COL14A1: variants seen among roughly 807,000 people sequenced by gnomAD.
The protein encoded by COL14A1 is collagen alpha-1(XIV) chain.
Under a neutral mutation model 230.3 loss-of-function variants are expected in COL14A1, and 136 were observed. The observed-to-expected ratio is 0.59, with a 90% confidence interval of 0.51 to 0.68. The LOEUF is 0.68. COL14A1 is among the 30% of genes least tolerant of loss of function. The pLI, the probability that COL14A1 is intolerant of heterozygous loss-of-function variation, is 0.00. For synonymous variants in COL14A1, 792 were observed against 784.1 expected, an observed-to-expected ratio of 1.01 and a Z score of -0.17; for missense variants, 1,976 against 2,215.8, an observed-to-expected ratio of 0.89 and a Z score of 2.17.
chr8:120,354,965 A>G (rs1297253559), intron 45 of COL14A1, among the ~76,000 whole-genome samples: 1 of 147,190 alleles, frequency 6.8e-6, no homozygotes, highest in East Asian at 1.9e-4. Context: ...TCCCCATTAA[A>G]CCCTGTACTG....
intron 1 of COL14A1, among the ~76,000 whole-genome samples, chr8:120,133,071 C>T (rs1471998562): frequency 6.6e-6 from 1 of 151,984 alleles, no homozygotes; most frequent in Non-Finnish European, 1.5e-5. Context: ...CAAAAATTAG[C>T]CAGGCATGGT....
chr8:120,297,407 T>C, intron 34 of COL14A1, 104 bp from the exon 35 acceptor site: 1 of 511,588 alleles, frequency 2.0e-6, no homozygotes, highest in African/African-American at 2.0e-5. Flanking sequence ...CTGTAATGTA[T>C]TATTAATGTA....
At chr8:120,152,469 C>CAAAAAAA (rs397891260) in intron 2 of COL14A1, among the ~76,000 whole-genome samples, 18 of 59,600 alleles carry the variant, frequency 3.0e-4, no homozygotes, top group South Asian at 1.0e-3. Flanking sequence ...GATTCCATCT[C>CAAAAAAA]AAAAAAAAAA....
At chr8:120,295,465 C>T (rs753820548) in intron 34 of COL14A1, among the ~76,000 whole-genome samples, 2 of 151,766 alleles carry the variant, frequency 1.3e-5, no homozygotes, top group Non-Finnish European at 3.0e-5. Flanking sequence ...AAGATATATG[C>T]AAAGTGCTTA....
chr8:120,184,811 T>TAA (rs1816596041), intron 5 of COL14A1, among the ~76,000 whole-genome samples: 1 of 152,178 alleles, frequency 6.6e-6, no homozygotes, highest in Non-Finnish European at 1.5e-5. Context: ...GGCAGGCTTC[T>TAA]CTCTTACTCA....
In COL14A1 at chr8:120,227,201, G is replaced by A. The variant is rs1383353472; in HGVS notation, c.2005-19G>A. ...TTTTTCAAATAAGCATAGTTACTAAGCACCAAAATATATTTCAGGTTGTCC... is the reference window on the plus strand; with the variant it reads ...TTTTTCAAATAAGCATAGTTACTAAACACCAAAATATATTTCAGGTTGTCC... On this transcript the variant is annotated intron_variant, in intron 16 of 47. Transcript: ENST00000297848. 6.2e-7 allele frequency: 1 copy of A among 1,611,534 alleles called. No homozygotes were observed. Among genetic ancestry groups the A allele is most frequent in the African/African-American group, 1.3e-5 (1 of 74,704 alleles).
At chr8:120,329,738 G>A (rs1821804748) in intron 40 of COL14A1, among the ~76,000 whole-genome samples, 1 of 152,166 alleles carries the variant, frequency 6.6e-6, no homozygotes, top group African/African-American at 2.4e-5. Flanking sequence ...ATATTTTTGA[G>A]TGAAGTGAAA....
intron 1 of COL14A1, among the ~76,000 whole-genome samples, chr8:120,132,232 A>G (rs897330220): frequency 4.6e-5 from 7 of 152,068 alleles, no homozygotes; most frequent in South Asian, 2.1e-4. Context: ...GTTAATTTTC[A>G]TATATGGTGA....
chr8:120,192,445 G>A (rs1816861201), intron 5 of COL14A1, among the ~76,000 whole-genome samples: 3 of 152,160 alleles, frequency 2.0e-5, no homozygotes, highest in South Asian at 4.1e-4. Flanking sequence ...CCCTTTGTGG[G>A]TAACCCGACC....
rs1199657886 is a variant in COL14A1 at position 120,280,991 on chromosome 8, G to A, written c.3756G>A (p.Glu1252=). The A allele has an allele frequency of 6.8e-6, 11 of 1,612,654 alleles. No individual in the cohort carries two copies. The South Asian group carries it at 1.2e-4, about 18-fold the overall frequency. Residue 1252 remains glutamate, a synonymous_variant, in exon 31 of 48, where the codon GAG becomes GAA. Coordinates refer to ENST00000297848, the MANE Select transcript of COL14A1 (RefSeq NM_021110.4). ...CATCAGTGGAAGGGGTTTCTATGGAGCCTGGTACCTTCAATGTGTTTCCAT... is the reference window on the plus strand; with the variant it reads ...CATCAGTGGAAGGGGTTTCTATGGAACCTGGTACCTTCAATGTGTTTCCAT... ...DFSSVEGVSM[E]PGTFNVFPCY... is the part of the protein sequence containing the mutation.
At chr8:120,203,414 A>AGAACACAAGATCAACAGC (rs1187836245) in intron 8 of COL14A1, among the ~76,000 whole-genome samples, 7 of 151,970 alleles carry the variant, frequency 4.6e-5, no homozygotes, top group Admixed American at 4.6e-4. Flanking sequence ...TCATCTTGGC[A>AGAACACAAGATCAACAGC]ATGGTACATA....
At chr8:120,363,671 C>A (rs189010506) in intron 45 of COL14A1, among the ~76,000 whole-genome samples, 44 of 152,264 alleles carry the variant, frequency 2.9e-4, no homozygotes, top group Middle Eastern at 3.4e-3. Flanking sequence ...ATTGGGCCAC[C>A]TAAGAGTGGC....
At chr8:120,267,867 G>A (rs1819544473) in intron 25 of COL14A1, among the ~76,000 whole-genome samples, 2 of 151,850 alleles carry the variant, frequency 1.3e-5, no homozygotes, top group South Asian at 4.1e-4. Flanking sequence ...TAACTTTGGT[G>A]AAATAGGGAG....
At chr8:120,358,771 A>T (rs1274466110) in intron 45 of COL14A1, among the ~76,000 whole-genome samples, 1 of 152,162 alleles carries the variant, frequency 6.6e-6, no homozygotes, top group East Asian at 1.9e-4. Context: ...TGTAGTTTAT[A>T]TGATAAAACT....
intron 19 of COL14A1, among the ~76,000 whole-genome samples, chr8:120,240,565 G>A (rs1383822695): frequency 6.6e-6 from 1 of 152,132 alleles, no homozygotes; most frequent in Non-Finnish European, 1.5e-5. Flanking sequence ...TACTATGAAA[G>A]CAAGAAAGGA....
intron 32 of COL14A1, among the ~76,000 whole-genome samples, chr8:120,285,463 CAAAAAAAAAAA>C (rs1218052645): frequency 1.5e-5 from 1 of 64,998 alleles, no homozygotes; most frequent in African/African-American, 6.2e-5. Flanking sequence ...GACTCCATCT[CAAAAAAAAAAA>C]AAAAAAAAAA....
At chr8:120,215,705 G>C (rs1386907732) in intron 13 of COL14A1, among the ~76,000 whole-genome samples, 1 of 152,046 alleles carries the variant, frequency 6.6e-6, no homozygotes, top group Non-Finnish European at 1.5e-5. Context: ...GAAGAGAAGG[G>C]GTCAGATCTG....
At chr8:120,160,399 A>T (rs927834169) in intron 3 of COL14A1, among the ~76,000 whole-genome samples, 1 of 152,118 alleles carries the variant, frequency 6.6e-6, no homozygotes, top group South Asian at 2.1e-4. Context: ...CAAACTATTA[A>T]GTACCCCCAA....
rs1294207354 is a variant in COL14A1 at position 120,208,342 on chromosome 8, A to G, written c.1302A>G (p.Leu434=). The change falls in exon 11 of 48, where the codon CTA becomes CTG. Residue 434 remains leucine, a synonymous_variant. Coordinates refer to ENST00000297848, the MANE Select transcript of COL14A1 (RefSeq NM_021110.4). ...ATGCCCACACTGCTAGTGAAGGCCT[A>G]CGGGGAACTGAAACTACACGTATGT... ...AIYAHTASEG[L]RGTETTLALP... 2 of 1,613,352 alleles carry G rather than the reference A, an allele frequency of 1.2e-6. No homozygotes were observed. Among genetic ancestry groups the G allele is most frequent in the Non-Finnish European group, 1.7e-6 (2 of 1,179,618 alleles).
Sources: gnomAD v4.1 joint callset for allele counts (sites outside exome capture counted in the v4.1 genomes callset) on GRCh38, gnomAD v4.1.1 for gene constraint, MANE v1.5 for transcripts, NCBI Gene and HGNC (gene_info 2026-07-23, HGNC 2026-07-21) for gene names.